DTHD1: variants seen among roughly 807,000 people sequenced by gnomAD.
The protein encoded by DTHD1 is death domain containing 1, also known as death domain-containing protein 1.
DTHD1 carries 59 observed loss-of-function variants against 74.8 expected under a neutral mutation model. That is an observed-to-expected ratio of 0.79 (90% CI 0.64 to 0.98). The LOEUF is 0.98. Among genes scored for constraint, DTHD1 ranks in the 50% least tolerant of loss-of-function variants. DTHD1 has a pLI of 0.00. For synonymous variants in DTHD1, 365 were observed against 371.1 expected (o/e 0.98, Z 0.19); for missense variants, 1,051 against 1,065.4 (o/e 0.99, Z 0.19).
intron 5 of DTHD1, among the ~76,000 whole-genome samples, chr4:36,301,576 G>A (rs1156870959): frequency 1.3e-5 from 2 of 152,100 alleles, no homozygotes; most frequent in Non-Finnish European, 2.9e-5. Context: ...ACATTTGTCT[G>A]TTTGCCCCAT....
At chr4:36,331,065 A>T (rs1758635388) in intron 8 of DTHD1, among the ~76,000 whole-genome samples, 1 of 152,228 alleles carries the variant, frequency 6.6e-6, no homozygotes, top group Non-Finnish European at 1.5e-5. Flanking sequence ...GCACTTATAC[A>T]TGAAGACATT....
intron 1 of DTHD1, 97 bp from the exon 2 acceptor site, chr4:36,283,878 TA>T: frequency 1.1e-6 from 1 of 894,452 alleles, no homozygotes; most frequent in Non-Finnish European, 1.7e-6. Context: ...TGTAGGTTTC[TA>T]AAATTATCTT....
chr4:36,326,770 T>G (rs766530310), intron 8 of DTHD1, among the ~76,000 whole-genome samples: 9 of 152,232 alleles, frequency 5.9e-5, no homozygotes, highest in Non-Finnish European at 1.0e-4. Context: ...GCAGTTGCAT[T>G]TAGCAGAAGC....
chr4:36,305,232 T>C (rs950419692), intron 5 of DTHD1, among the ~76,000 whole-genome samples: 3 of 152,230 alleles, frequency 2.0e-5, no homozygotes, highest in African/African-American at 4.8e-5. Flanking sequence ...GGTACTTGTA[T>C]TAGTCCATTT....
chr4:36,309,518 ATTAAT>A (rs1245315097), intron 7 of DTHD1, among the ~76,000 whole-genome samples: 7 of 152,156 alleles, frequency 4.6e-5, no homozygotes, highest in Non-Finnish European at 7.4e-5. Context: ...AAATTATTTA[ATTAAT>A]TTATTTACTT....
At chr4:36,287,643 C>A (rs932913320) in intron 2 of DTHD1, among the ~76,000 whole-genome samples, 1 of 152,194 alleles carries the variant, frequency 6.6e-6, no homozygotes, top group Admixed American at 6.5e-5. Flanking sequence ...TCCACACCAA[C>A]ATCTTGTTTG....
intron 4 of DTHD1, 46 bp from the exon 5 acceptor site, chr4:36,294,749 G>C: frequency 6.8e-7 from 1 of 1,465,944 alleles, no homozygotes; most frequent in Non-Finnish European, 9.0e-7. Context: ...CCAATAGTTT[G>C]CATCTTTTCT....
chr4:36,306,294 G>A lies in DTHD1; in HGVS notation c.1747G>A (p.Val583Ile), dbSNP rs1399733849. Residue 583 changes from valine (V) to isoleucine (I), a missense_variant, in exon 6 of 10, where the codon GTT (valine) becomes ATT (isoleucine). Coordinates refer to ENST00000639862, the MANE Select transcript of DTHD1 (RefSeq NM_001170700.3). ...QDSGWCGLDD[V>I]VKTIQSGLVS... ...CAGTGGTTGGTGTGGGCTTGATGAT[G>A]TTGTGAAAACCATACAGAGCGGCTT... 3.2e-6 allele frequency: 5 copies of A among 1,550,436 alleles called. No individual in the cohort carries two copies. In the African/African-American group the frequency reaches 4.1e-5, roughly 13 times the overall value.
chr4:36,339,064 C>A, intron 8 of DTHD1, 48 bp from the exon 9 acceptor site: 1 of 1,468,242 alleles, frequency 6.8e-7, no homozygotes, highest in Non-Finnish European at 9.3e-7. Context: ...AGCTTATTCA[C>A]AAATTAATTA....
At chr4:36,333,121 CATTAAATATATATGAATGT>C (rs1758794989) in intron 8 of DTHD1, among the ~76,000 whole-genome samples, 1 of 151,868 alleles carries the variant, frequency 6.6e-6, no homozygotes, top group South Asian at 2.1e-4. Context: ...CATAAAAATT[CATTAAATATATATGAATGT>C]ATTAAATATT....
At chr4:36,330,170 G>C (rs1758584155) in intron 8 of DTHD1, among the ~76,000 whole-genome samples, 1 of 152,140 alleles carries the variant, frequency 6.6e-6, no homozygotes, top group African/African-American at 2.4e-5. Context: ...TTGCTTAAGG[G>C]TACGAGTTTA....
At chr4:36,297,057 A>C (rs766580185) in intron 5 of DTHD1, among the ~76,000 whole-genome samples, 2 of 152,228 alleles carry the variant, frequency 1.3e-5, no homozygotes, top group African/African-American at 4.8e-5. Context: ...AATCATAAGG[A>C]AGAGAAAATA....
Position 36,308,333 on chromosome 4 carries a change from T to A in DTHD1, c.1935T>A (p.His645Gln). Reference sequence around the variant, plus strand: ...TGTCTCACCAGAAGGACAATCCACATAGAATAGCTGTTTTAGTGGTGCCTT... The same window carrying A: ...TGTCTCACCAGAAGGACAATCCACAAAGAATAGCTGTTTTAGTGGTGCCTT... ...IVLSHQKDNP[H>Q]RIAVLVVPSK... Residue 645 changes from histidine (H) to glutamine (Q), a missense_variant, in exon 7 of 10, where the codon CAT becomes CAA. Physicochemically the swap from His to Gln is conservative, Grantham distance 24. Coordinates refer to ENST00000639862, the MANE Select transcript of DTHD1 (RefSeq NM_001170700.3). 1 of 1,551,890 alleles carries A rather than the reference T, an allele frequency of 6.4e-7. No individual in the cohort carries two copies. The highest frequency in any genetic ancestry group is 1.7e-4 in the Middle Eastern group (1 of 5,992).
chr4:36,345,244 T>C lies in DTHD1; in HGVS notation c.*1420T>C, dbSNP rs1040160629. ...AAATGAAAGAAAAAATTAAAACTTA[T>C]CTAAACCCCTCTTTCTATTGATAAT... On this transcript the variant is annotated 3_prime_UTR_variant, in exon 10 of 10. Transcript: ENST00000639862. 2 of 152,150 alleles carry C rather than the reference T, an allele frequency of 1.3e-5. No homozygotes were observed. Among genetic ancestry groups the C allele is most frequent in the African/African-American group, 4.8e-5 (2 of 41,432 alleles). The allele number at this position is 152,150 out of a possible 1,614,324, so 9.4% of individuals were successfully genotyped here. A position where few individuals can be genotyped will look rare whatever the true frequency, so the allele number is the denominator to read the frequency against.
In DTHD1 at chr4:36,343,815, C is replaced by G; in HGVS notation, c.2712C>G (p.Ala904=). Residue 904 remains alanine, a synonymous_variant, in exon 10 of 10, where the codon GCC becomes GCG. Coordinates refer to ENST00000639862, the MANE Select transcript of DTHD1 (RefSeq NM_001170700.3). Reference sequence around the variant, plus strand: ...AACCACAGCAGTGTTTTGATGTAGCCCCTGAGTAAAAGCCTGATCTCTCTT... The same window carrying G: ...AACCACAGCAGTGTTTTGATGTAGCGCCTGAGTAAAAGCCTGATCTCTCTT... ...FTEPQQCFDV[A]PE is the part of the protein sequence containing the mutation. 2 of 1,545,472 alleles carry G rather than the reference C, an allele frequency of 1.3e-6. No homozygotes were observed. The highest frequency in any genetic ancestry group is 1.7e-6 in the Non-Finnish European group (2 of 1,143,532).
At chr4:36,315,083 T>C (rs1757635902) in intron 7 of DTHD1, among the ~76,000 whole-genome samples, 1 of 152,220 alleles carries the variant, frequency 6.6e-6, no homozygotes, top group African/African-American at 2.4e-5. Context: ...ATCCAAGACA[T>C]ATCATCTTAA....
chr4:36,331,008 T>C (rs937457354), intron 8 of DTHD1, among the ~76,000 whole-genome samples: 2 of 152,078 alleles, frequency 1.3e-5, no homozygotes, highest in African/African-American at 4.8e-5. Flanking sequence ...AGGTCATACA[T>C]CATAAAATTC....
intron 8 of DTHD1, among the ~76,000 whole-genome samples, chr4:36,326,006 C>T (rs1758320394): frequency 6.6e-6 from 1 of 152,112 alleles, no homozygotes; most frequent in Non-Finnish European, 1.5e-5. Context: ...AAGCCAGTTA[C>T]CGTGGCATAT....
intron 5 of DTHD1, among the ~76,000 whole-genome samples, chr4:36,295,893 A>G (rs182874698): frequency 2.4e-4 from 37 of 152,244 alleles, no homozygotes; most frequent in Admixed American, 5.2e-4. Flanking sequence ...CCATTGAAGA[A>G]GAGGGCAAGC....
Sources: allele counts gnomAD v4.1 joint callset (sites outside exome capture counted in the v4.1 genomes callset), GRCh38; gene constraint gnomAD v4.1.1; transcripts MANE v1.5; gene names NCBI Gene and HGNC (gene_info 2026-07-23, HGNC 2026-07-21).